Variants in DOCK10 observed in about 807,000 individuals in gnomAD.
DOCK10 encodes the protein dedicator of cytokinesis protein 10.
DOCK10 carries 145 observed loss-of-function variants against 280.1 expected under a neutral mutation model. That is an observed-to-expected ratio of 0.52 (90% CI 0.45 to 0.59). The LOEUF is 0.59. DOCK10 is among the 20% of genes least tolerant of loss of function. The pLI, the probability that DOCK10 is intolerant of heterozygous loss-of-function variation, is 0.00. For missense variants in DOCK10, 2,368 were observed against 2,651.7 expected, an observed-to-expected ratio of 0.89 and a Z score of 2.35; for synonymous variants, 915 against 942.2, an observed-to-expected ratio of 0.97 and a Z score of 0.53.
intron 1 of DOCK10, among the ~76,000 whole-genome samples, chr2:224,973,463 A>C (rs1352754537): frequency 6.6e-6 from 1 of 152,096 alleles, no homozygotes; most frequent in African/African-American, 2.4e-5. Context: ...GCTGGAAGAC[A>C]CTATGCTTCT....
intron 1 of DOCK10, among the ~76,000 whole-genome samples, chr2:225,002,154 A>T (rs1367825918): frequency 2.0e-5 from 3 of 152,174 alleles, no homozygotes; most frequent in Admixed American, 6.5e-5. Flanking sequence ...CAAATGTGAA[A>T]GGCTATGTGG....
chr2:224,803,422 T>C (rs528979333), intron 39 of DOCK10, among the ~76,000 whole-genome samples: 1 of 152,214 alleles, frequency 6.6e-6, no homozygotes, highest in African/African-American at 2.4e-5. Context: ...ATTCATAATA[T>C]ATATTATGAT....
intron 1 of DOCK10, among the ~76,000 whole-genome samples, chr2:224,993,205 T>TC (rs1476610005): frequency 2.0e-5 from 3 of 150,886 alleles, no homozygotes; most frequent in Non-Finnish European, 3.0e-5. Flanking sequence ...TTTGGAAGTT[T>TC]TTTTTTTTTT....
chr2:224,900,639 ATT>A (rs1349591478), intron 3 of DOCK10, among the ~76,000 whole-genome samples: 1 of 152,212 alleles, frequency 6.6e-6, no homozygotes, highest in African/African-American at 2.4e-5. Context: ...TGGTTCTGCC[ATT>A]TAATAGCTGT....
intron 39 of DOCK10, 77 bp downstream of exon 39, chr2:224,804,035 T>C: frequency 4.1e-6 from 3 of 731,244 alleles, no homozygotes; most frequent in Non-Finnish European, 7.0e-6. Context: ...TGTGTGTGTC[T>C]ACCCCTGACA....
chr2:224,793,202 T>C (rs1033154523), intron 46 of DOCK10, 130 bp from the exon 47 acceptor site: 64 of 836,394 alleles, frequency 7.7e-5, no homozygotes, highest in Non-Finnish European at 1.2e-4. Flanking sequence ...CAGTTAGCCT[T>C]TGCTGTACAT....
chr2:224,975,593 TTACTA>T (rs1249055486), intron 1 of DOCK10, among the ~76,000 whole-genome samples: 1 of 152,214 alleles, frequency 6.6e-6, no homozygotes, highest in East Asian at 1.9e-4. Flanking sequence ...GTTAGAATAT[TTACTA>T]TAGGGATAAG....
chr2:224,804,874 T>A (rs1452077728), intron 37 of DOCK10, 33 bp from the exon 38 acceptor site: 2 of 1,439,836 alleles, frequency 1.4e-6, no homozygotes, highest in Non-Finnish European at 1.9e-6. Flanking sequence ...ATTTTAATTA[T>A]TCATATTCTT....
intron 17 of DOCK10, 149 bp downstream of exon 17, chr2:224,852,786 C>A: frequency 5.0e-6 from 3 of 600,904 alleles, no homozygotes; most frequent in Admixed American, 3.5e-5. Context: ...TAAAACTCAT[C>A]AGTGCCTCTT....
intron 1 of DOCK10, among the ~76,000 whole-genome samples, chr2:225,026,909 ATC>A (rs2106114706): frequency 6.6e-6 from 1 of 152,286 alleles, no homozygotes; most frequent in African/African-American, 2.4e-5. Flanking sequence ...TATATAGTGA[ATC>A]TCTGTTTATT....
intron 1 of DOCK10, among the ~76,000 whole-genome samples, chr2:224,965,361 A>AT (rs139784728): frequency 0.022 from 3,399 of 152,266 alleles, 138 homozygotes; most frequent in African/African-American, 0.077. Context: ...ACAAGTAGGC[A>AT]TTCTTGGGCA....
At chr2:224,890,125 C>T (rs186633622) in intron 4 of DOCK10, among the ~76,000 whole-genome samples, 1 of 152,326 alleles carries the variant, frequency 6.6e-6, no homozygotes, top group East Asian at 1.9e-4. Context: ...AGTCATTTCC[C>T]ATCAGTTTCA....
At chr2:224,892,953 T>G (rs1157501626) in intron 4 of DOCK10, among the ~76,000 whole-genome samples, 1 of 152,228 alleles carries the variant, frequency 6.6e-6, no homozygotes, top group East Asian at 1.9e-4. Context: ...CTGTGGCTAT[T>G]GACTTTAAAA....
chr2:224,901,115 A>G (rs890540114), intron 3 of DOCK10, among the ~76,000 whole-genome samples: 6 of 152,244 alleles, frequency 3.9e-5, no homozygotes, highest in Admixed American at 1.3e-4. Context: ...TGTTACGCAT[A>G]GAAAATTATT....
chr2:224,850,797 C>G lies in DOCK10; in HGVS notation c.2143-1198G>C, dbSNP rs945215868. Among the ~76,000 whole-genome samples the G allele has an allele frequency of 4.6e-5, 7 of 152,194 alleles. No homozygotes were observed. In the East Asian group the frequency reaches 1.3e-3, roughly 29 times the overall value. Reference sequence around the variant, plus strand: ...TTTCCTGCACTCACACATGCTCTCTCTCTCTCACCTGCCACCATGTAAGAC... The same window carrying G: ...TTTCCTGCACTCACACATGCTCTCTGTCTCTCACCTGCCACCATGTAAGAC... On this transcript the variant is annotated intron_variant, in intron 18 of 55. Transcript: ENST00000258390.
intron 1 of DOCK10, among the ~76,000 whole-genome samples, chr2:225,034,620 T>C (rs1172954709): frequency 6.6e-6 from 1 of 152,172 alleles, no homozygotes; most frequent in East Asian, 1.9e-4. Flanking sequence ...GCAACTAATG[T>C]GCACTAAGAA....
At chr2:224,849,409 G>T in intron 19 of DOCK10, 98 bp downstream of exon 19, 1 of 774,400 alleles carries the variant, frequency 1.3e-6, no homozygotes, top group East Asian at 2.7e-5. Context: ...TCCTTAGTCT[G>T]ATGAGGTCTA....
chr2:224,768,017 G>A (rs780022777), intron 55 of DOCK10, among the ~76,000 whole-genome samples: 2 of 151,696 alleles, frequency 1.3e-5, no homozygotes, highest in East Asian at 1.9e-4. Context: ...GAGTTCAAGC[G>A]ATTCTCCTGC....
intron 1 of DOCK10, among the ~76,000 whole-genome samples, chr2:224,938,202 C>T (rs1440595200): frequency 6.6e-6 from 1 of 152,198 alleles, no homozygotes; most frequent in Non-Finnish European, 1.5e-5. Context: ...CTTTCTGTGA[C>T]ATGCGGTAGA....
Sources: gnomAD v4.1 joint callset for allele counts (sites outside exome capture counted in the v4.1 genomes callset) on GRCh38, gnomAD v4.1.1 for gene constraint, MANE v1.5 for transcripts, NCBI Gene and HGNC (gene_info 2026-07-23, HGNC 2026-07-21) for gene names.